PARD3: variants seen among roughly 807,000 people sequenced by gnomAD.
PARD3 encodes partitioning defective 3 homolog.
A neutral mutation model predicts 155.4 loss-of-function variants in PARD3; 75 were observed. The observed-to-expected ratio is 0.48, with a 90% CI of 0.40 to 0.58. PARD3 has a LOEUF of 0.58. PARD3 is among the 20% of genes least tolerant of loss of function. PARD3 has a pLI of 0.00. For synonymous variants in PARD3, 576 were observed against 610.5 expected (o/e 0.94, Z 0.83); for missense variants, 1,642 against 1,721.7 (o/e 0.95, Z 0.82).
At chr10:34,753,718 T>C (rs910015529) in intron 1 of PARD3, among the ~76,000 whole-genome samples, 3 of 152,170 alleles carry the variant, frequency 2.0e-5, no homozygotes, top group African/African-American at 4.8e-5. Flanking sequence ...CAAGAGGACA[T>C]AGGTTTCAAA....
chr10:34,470,652 T>A (rs2078290329), intron 3 of PARD3, among the ~76,000 whole-genome samples: 1 of 152,176 alleles, frequency 6.6e-6, no homozygotes, highest in South Asian at 2.1e-4. Context: ...GTGCTAGACA[T>A]ATAGTGTGTA....
intron 2 of PARD3, among the ~76,000 whole-genome samples, chr10:34,687,006 G>T (rs565625132): frequency 6.6e-6 from 1 of 151,704 alleles, no homozygotes; most frequent in Non-Finnish European, 1.5e-5. Flanking sequence ...CCGAGACAGC[G>T]CCACTGCACT....
At chr10:34,795,869 G>A (rs949074955) in intron 1 of PARD3, among the ~76,000 whole-genome samples, 2 of 151,940 alleles carry the variant, frequency 1.3e-5, no homozygotes, top group African/African-American at 4.8e-5. Context: ...ACTCCAGCCT[G>A]GGCAACAAGA....
At chr10:34,807,007 G>T (rs1843481794) in intron 1 of PARD3, among the ~76,000 whole-genome samples, 1 of 152,198 alleles carries the variant, frequency 6.6e-6, no homozygotes, top group South Asian at 2.1e-4. Context: ...TCCATTACGT[G>T]CATCCTTGGG....
At chr10:34,206,265 C>T (rs72786219) in intron 22 of PARD3, among the ~76,000 whole-genome samples, 2 of 152,324 alleles carry the variant, frequency 1.3e-5, no homozygotes, top group African/African-American at 2.4e-5. Flanking sequence ...GCGCCCCTAG[C>T]TATTCATTGC....
rs868324213 is a variant in PARD3, at chr10:34,377,853, C to A, written c.1539+114G>T. 5.7e-6 allele frequency: 4 copies of A among 700,574 alleles called. No homozygotes were observed. In the African/African-American group the frequency reaches 7.4e-5, roughly 13 times the overall value. 43.4% of individuals were successfully genotyped at this position (700,574 alleles called of 1,614,324 possible). The stretch of plus-strand genomic sequence containing the variant: ...AAACACATTTTGTGACGCATACTTC[C>A]GCTAAAATGTATATAACTGAATTTC... On this transcript the variant is annotated intron_variant, in intron 10 of 24. Coordinates refer to ENST00000374788, the MANE Select transcript of PARD3 (RefSeq NM_001184785.2).
At chr10:34,533,660 C>G (rs1379524921) in intron 2 of PARD3, among the ~76,000 whole-genome samples, 3 of 151,806 alleles carry the variant, frequency 2.0e-5, no homozygotes, top group Non-Finnish European at 2.9e-5. Context: ...ATACAAAAAT[C>G]AGCCAGGCAT....
chr10:34,587,063 C>T (rs1341757126), intron 2 of PARD3, among the ~76,000 whole-genome samples: 1 of 152,156 alleles, frequency 6.6e-6, no homozygotes, highest in Admixed American at 6.5e-5. Context: ...CATGGGTAGA[C>T]ATGGTAAATT....
At chr10:34,666,810 T>C (rs1439652509) in intron 2 of PARD3, among the ~76,000 whole-genome samples, 1 of 88,126 alleles carries the variant, frequency 1.1e-5, no homozygotes, top group African/African-American at 4.9e-5. Context: ...TATATATATA[T>C]ATATATACAC....
At chr10:34,429,865 G>A (rs549369127) in intron 5 of PARD3, among the ~76,000 whole-genome samples, 9 of 152,116 alleles carry the variant, frequency 5.9e-5, no homozygotes, top group Non-Finnish European at 1.2e-4. Flanking sequence ...GATTACAGGC[G>A]TGAGCCACTG....
chr10:34,342,046 C>T (rs914527212), intron 15 of PARD3, among the ~76,000 whole-genome samples: 1 of 152,174 alleles, frequency 6.6e-6, no homozygotes, highest in African/African-American at 2.4e-5. Context: ...CAGGGCAATG[C>T]ATGCAATTTT....
intron 3 of PARD3, among the ~76,000 whole-genome samples, chr10:34,506,308 GT>G (rs1313563106): frequency 6.6e-6 from 1 of 152,148 alleles, no homozygotes; most frequent in Non-Finnish European, 1.5e-5. Context: ...CTGGGCTTCA[GT>G]TATGCCATGA....
At chr10:34,472,863 C>T (rs974470239) in intron 3 of PARD3, among the ~76,000 whole-genome samples, 1 of 152,212 alleles carries the variant, frequency 6.6e-6, no homozygotes, top group African/African-American at 2.4e-5. Context: ...CAGGAGAATA[C>T]ATTGCATACA....
At chr10:34,228,380 G>A (rs986476970) in intron 22 of PARD3, among the ~76,000 whole-genome samples, 5 of 151,956 alleles carry the variant, frequency 3.3e-5, no homozygotes, top group Middle Eastern at 3.4e-3. Context: ...AAACTTCCAC[G>A]TGTACCCCCG....
intron 22 of PARD3, among the ~76,000 whole-genome samples, chr10:34,265,296 C>T (rs113031645): frequency 2.0e-5 from 3 of 152,248 alleles, no homozygotes; most frequent in East Asian, 3.9e-4. Flanking sequence ...ATAAGTAATA[C>T]GTGGAAATTG....
At chr10:34,132,190 G>A (rs1221874427) in intron 22 of PARD3, among the ~76,000 whole-genome samples, 2 of 152,164 alleles carry the variant, frequency 1.3e-5, no homozygotes, top group Non-Finnish European at 2.9e-5. Flanking sequence ...TTAAAAATAA[G>A]TTCAAGTGGT....
At chr10:34,451,676 C>T (rs1457879023) in intron 4 of PARD3, among the ~76,000 whole-genome samples, 3 of 151,422 alleles carry the variant, frequency 2.0e-5, no homozygotes, top group Non-Finnish European at 4.4e-5. Flanking sequence ...CATTTACCAA[C>T]ATAAACTTTG....
At chr10:34,348,164 C>A in intron 14 of PARD3, 49 bp from the exon 15 acceptor site, 1 of 1,497,304 alleles carries the variant, frequency 6.7e-7, no homozygotes, top group Non-Finnish European at 9.0e-7. Context: ...ACCTGGAGGC[C>A]AATTAGCAGC....
chr10:34,134,673 A>C (rs1947800471), intron 22 of PARD3, among the ~76,000 whole-genome samples: 1 of 152,194 alleles, frequency 6.6e-6, no homozygotes, highest in South Asian at 2.1e-4. Context: ...AATACTCTAG[A>C]GAAAGCTGGC....
Sources: gnomAD v4.1 joint callset for allele counts (sites outside exome capture counted in the v4.1 genomes callset) on GRCh38, gnomAD v4.1.1 for gene constraint, MANE v1.5 for transcripts, NCBI Gene and HGNC (gene_info 2026-07-23, HGNC 2026-07-21) for gene names.